Variants in ZC3H6 observed in about 807,000 individuals in gnomAD.
ZC3H6 encodes zinc finger CCCH domain-containing protein 6.
In ZC3H6, 40 loss-of-function variants were observed where a neutral mutation model predicts 107.7. The ratio of observed to expected loss-of-function variants is 0.37; its 90% CI spans 0.29 to 0.48. The LOEUF (loss-of-function observed/expected upper bound fraction) is 0.48, where lower values mean the gene tolerates loss of function less well. Among genes scored for constraint, ZC3H6 ranks in the 20% least tolerant of loss-of-function variants. The pLI, the probability that ZC3H6 is intolerant of heterozygous loss-of-function variation, is 0.98. For missense variants in ZC3H6, 1,267 were observed against 1,410.4 expected (o/e 0.90, Z 1.63); for synonymous variants, 493 against 487.9 (o/e 1.01, Z -0.14).
intron 1 of ZC3H6, among the ~76,000 whole-genome samples, chr2:112,281,281 A>G (rs1339844596): frequency 1.3e-5 from 2 of 152,168 alleles, no homozygotes; most frequent in Admixed American, 6.5e-5. Context: ...GCATCCATAT[A>G]AAGGGAGTGG....
At chr2:112,288,052 C>CAT (rs1686643333) in intron 1 of ZC3H6, among the ~76,000 whole-genome samples, 1 of 152,348 alleles carries the variant, frequency 6.6e-6, no homozygotes, top group Non-Finnish European at 1.5e-5. Flanking sequence ...CACTAGATGT[C>CAT]ATACTCCATT....
chr2:112,325,152 G>T lies in ZC3H6; in HGVS notation c.2041G>T (p.Glu681Ter). The change falls in exon 11 of 12, where the codon GAA (glutamate) becomes TAA (stop). Residue 681 changes from glutamate to a stop codon, truncating the protein, a stop_gained. Coordinates refer to ENST00000409871, the MANE Select transcript of ZC3H6 (RefSeq NM_198581.3). LOFTEE classifies it high-confidence loss of function. The stretch of plus-strand genomic sequence containing the variant: ...TACTCAGAGATACCAAGAAGATGAA[G>T]AACAAACCAGCACCCAACCTCATAG... ...RLTQRYQEDE[E>*]QTSTQPHRAP... The T allele has an allele frequency of 6.2e-7, 1 of 1,613,994 alleles. No homozygotes were observed. Among genetic ancestry groups the T allele is most frequent in the Non-Finnish European group, 8.5e-7 (1 of 1,179,886 alleles).
intron 1 of ZC3H6, among the ~76,000 whole-genome samples, chr2:112,284,476 G>A (rs1686574319): frequency 6.6e-6 from 1 of 151,302 alleles, no homozygotes; most frequent in Non-Finnish European, 1.5e-5. Flanking sequence ...TGTTATCCCT[G>A]AAGTTATTAT....
At chr2:112,298,160 A>ATTTT (rs10691661) in intron 1 of ZC3H6, among the ~76,000 whole-genome samples, 3 of 151,566 alleles carry the variant, frequency 2.0e-5, no homozygotes, top group Admixed American at 1.3e-4. Context: ...TTTTTAAAAA[A>ATTTT]TTTATTTTTT....
At chr2:112,306,300 G>C (rs978248586) in intron 3 of ZC3H6, among the ~76,000 whole-genome samples, 3 of 151,308 alleles carry the variant, frequency 2.0e-5, no homozygotes, top group African/African-American at 7.3e-5. Flanking sequence ...AGCCTCCCAA[G>C]TAGCTGGGAC....
intron 3 of ZC3H6, among the ~76,000 whole-genome samples, chr2:112,308,543 G>A (rs986829653): frequency 6.7e-6 from 1 of 150,198 alleles, no homozygotes; most frequent in African/African-American, 2.4e-5. Flanking sequence ...CAGTTCTCCT[G>A]CCTCAGACTC....
rs1676872470 is a variant in ZC3H6, at chr2:112,324,608, T to A, written c.1797T>A (p.Asp599Glu). The stretch of plus-strand genomic sequence containing the variant: ...TGCAAAACCCAGCTGAGTTTTACGA[T>A]AATTACTATGCACAGCATTCTATAC... Reference protein sequence around the residue: ...ESLQNPAEFYDNYYAQHSIHN... With the variant: ...ESLQNPAEFYENYYAQHSIHN... Residue 599 changes from aspartate (D) to glutamate (E), a missense_variant, in exon 10 of 12, where the codon GAT becomes GAA. Transcript: ENST00000409871. 6.2e-7 allele frequency: 1 copy of A among 1,611,426 alleles called. No individual in the cohort carries two copies.
In ZC3H6 at chr2:112,331,002, T is replaced by C. The variant is rs1677017232; in HGVS notation, c.2087-3T>C. ...TTTATAATAAGTTTTTGTCTGCATT[T>C]AGATGATACAGTTAACTGGTATTCC... On this transcript the variant is annotated splice_polypyrimidine_tract_variant and splice_region_variant and intron_variant, in intron 11 of 11. Coordinates refer to ENST00000409871, the MANE Select transcript of ZC3H6 (RefSeq NM_198581.3). The C allele has an allele frequency of 1.4e-6, 2 of 1,454,512 alleles. No individual in the cohort carries two copies. Among genetic ancestry groups the C allele is most frequent in the Non-Finnish European group, 1.8e-6 (2 of 1,106,972 alleles). 90.1% of individuals were successfully genotyped at this position (1,454,512 alleles called of 1,614,324 possible).
rs1041699338 is a variant in ZC3H6 at position 112,334,443 on chromosome 2, A to G, written c.*1955A>G. ...ATAATTTGGCTTGCTAAACATCAAAATAGAATCCAAACTCTTAACCGAATA... is the reference window on the plus strand; with the variant it reads ...ATAATTTGGCTTGCTAAACATCAAAGTAGAATCCAAACTCTTAACCGAATA... On this transcript the variant is annotated 3_prime_UTR_variant, in exon 12 of 12. Coordinates refer to ENST00000409871, the MANE Select transcript of ZC3H6 (RefSeq NM_198581.3). 3 of 152,134 alleles carry G rather than the reference A, an allele frequency of 2.0e-5. No individual in the cohort carries two copies. Among genetic ancestry groups the G allele is most frequent in the African/African-American group, 7.2e-5 (3 of 41,458 alleles). 9.4% of individuals were successfully genotyped at this position (152,134 alleles called of 1,614,324 possible). A position where few individuals can be genotyped will look rare whatever the true frequency, so the allele number is the denominator to read the frequency against.
At position 112,331,525 on chromosome 2, in the gene ZC3H6, C is replaced by A. The variant is rs1369449711; in HGVS notation, c.2607C>A (p.Thr869=). The part of the protein sequence containing the change: ...FSHIKMDITL[T]KPNFAKHIVW... ...ACATTAAAATGGACATTACTCTAAC[C>A]AAACCCAACTTTGCAAAACACATCG... Residue 869 remains threonine, a synonymous_variant, in exon 12 of 12, where the codon ACC becomes ACA. Transcript: ENST00000409871. The A allele has an allele frequency of 6.2e-7, 1 of 1,613,950 alleles. No homozygotes were observed. Among genetic ancestry groups the A allele is most frequent in the South Asian group, 1.1e-5 (1 of 91,078 alleles).
rs1458794765 is a variant in ZC3H6 at position 112,299,843 on chromosome 2, C to T, written c.33-6C>T. The T allele has an allele frequency of 2.9e-6, 4 of 1,399,898 alleles. No individual in the cohort carries two copies. Among genetic ancestry groups the T allele is most frequent in the African/African-American group, 3.0e-5 (2 of 66,704 alleles). 86.7% of individuals were successfully genotyped at this position (1,399,898 alleles called of 1,614,324 possible). A position where few individuals can be genotyped will look rare whatever the true frequency, so the allele number is the denominator to read the frequency against. On this transcript the variant is annotated splice_region_variant and splice_polypyrimidine_tract_variant and intron_variant, in intron 1 of 11. Coordinates refer to ENST00000409871, the MANE Select transcript of ZC3H6 (RefSeq NM_198581.3). ...ATATTTGAAAATTAAAATTTTCCTT[C>T]TATAGAGAAGATGGCGAATTAGAAG...
Position 112,299,775 on chromosome 2 carries a change from T to G in ZC3H6, c.33-74T>G, listed in dbSNP as rs957213534. 4.2e-6 allele frequency: 5 copies of G among 1,201,426 alleles called. No homozygotes were observed. In the African/African-American group the frequency reaches 7.9e-5, roughly 19 times the overall value. 74.4% of individuals were successfully genotyped at this position (1,201,426 alleles called of 1,614,324 possible). On this transcript the variant is annotated intron_variant, in intron 1 of 11. Transcript: ENST00000409871. The stretch of plus-strand genomic sequence containing the variant: ...ATAACATAAATCCTTGGCATATGCT[T>G]TTTTTCTTTTGAAAATCTTTCTGTA...
Position 112,336,420 on chromosome 2 carries a change from T to A in ZC3H6, c.*3932T>A, listed in dbSNP as rs1260436300. On this transcript the variant is annotated 3_prime_UTR_variant, in exon 12 of 12. Coordinates refer to ENST00000409871, the MANE Select transcript of ZC3H6 (RefSeq NM_198581.3). ...CTTTTCAAAAATGGTTTGGCAGCACTTGATGACATTATGTTCAAAATTAAG... is the reference window on the plus strand; with the variant it reads ...CTTTTCAAAAATGGTTTGGCAGCACATGATGACATTATGTTCAAAATTAAG... 11 of 152,226 alleles carry A rather than the reference T, an allele frequency of 7.2e-5. No homozygotes were observed. The highest frequency in any genetic ancestry group is 1.6e-4 in the Non-Finnish European group (11 of 68,036). 9.4% of individuals were successfully genotyped at this position (152,226 alleles called of 1,614,324 possible). A position where few individuals can be genotyped will look rare whatever the true frequency, so the allele number is the denominator to read the frequency against.
At chr2:112,279,760 C>T (rs1323967629) in intron 1 of ZC3H6, among the ~76,000 whole-genome samples, 1 of 152,110 alleles carries the variant, frequency 6.6e-6, no homozygotes. Context: ...ACATTAATCC[C>T]ATGTGGTAGT....
At position 112,331,974 on chromosome 2, in the gene ZC3H6, G is replaced by T; in HGVS notation, c.3056G>T (p.Gly1019Val). The T allele has an allele frequency of 6.2e-7, 1 of 1,613,986 alleles. No individual in the cohort carries two copies. Among genetic ancestry groups the T allele is most frequent in the South Asian group, 1.1e-5 (1 of 91,080 alleles). Residue 1019 changes from glycine (G) to valine (V), a missense_variant, in exon 12 of 12, where the codon GGG becomes GTG. Gly to Val is a moderately radical substitution (Grantham distance 109). Coordinates refer to ENST00000409871, the MANE Select transcript of ZC3H6 (RefSeq NM_198581.3). The stretch of plus-strand genomic sequence containing the variant: ...GCAGGAACTAGCAATTCTGGTTCCG[G>T]GGCTCTGCCTCCATATGCCCCTAAA... Reference protein sequence around the residue: ...SGAGTSNSGSGALPPYAPKLS... With the variant: ...SGAGTSNSGSVALPPYAPKLS...
At position 112,338,932 on chromosome 2, in the gene ZC3H6, G is replaced by A. The variant is rs1209270397; in HGVS notation, c.*6444G>A. 1 of 132,018 alleles carries A rather than the reference G, an allele frequency of 7.6e-6. No individual in the cohort carries two copies. The highest frequency in any genetic ancestry group is 1.6e-5 in the Non-Finnish European group (1 of 61,784). 8.2% of individuals were successfully genotyped at this position (132,018 alleles called of 1,614,324 possible). ...ATATATAATTTTTTTTTTTTGAGAC[G>A]GAGTCTTGCTCTGTCACCCAGGCTG... On this transcript the variant is annotated 3_prime_UTR_variant, in exon 12 of 12. Coordinates refer to ENST00000409871, the MANE Select transcript of ZC3H6 (RefSeq NM_198581.3).
chr2:112,334,097 TA>T lies in ZC3H6; in HGVS notation c.*1611del, dbSNP rs1332329669. The T allele has an allele frequency of 4.6e-5, 7 of 152,220 alleles. No individual in the cohort carries two copies. Among genetic ancestry groups the T allele is most frequent in the Non-Finnish European group, 8.8e-5 (6 of 67,950 alleles). 9.4% of individuals were successfully genotyped at this position (152,220 alleles called of 1,614,324 possible). ...AATGTGAATTTTTACCGTTTGTACT[TA>T]AGATACATTTGTTGTCTAAAATGGC... is the stretch of plus-strand genomic sequence containing the variant. On this transcript the variant is annotated 3_prime_UTR_variant, in exon 12 of 12. Transcript: ENST00000409871.
rs1686409581 is a variant in ZC3H6 at position 112,276,021 on chromosome 2, C to T, written c.27C>T (p.His9=). The stretch of plus-strand genomic sequence containing the variant: ...TGACAGACTCTGAACATGCAGGGCA[C>T]GACAGGTCGGGAACCCTTCTTGTCT... MTDSEHAG[H]DREDGELEDG... The change falls in exon 1 of 12, where the codon CAC becomes CAT. Residue 9 remains histidine (H), a synonymous_variant. Coordinates refer to ENST00000409871, the MANE Select transcript of ZC3H6 (RefSeq NM_198581.3). The T allele has an allele frequency of 8.4e-6, 13 of 1,541,868 alleles. No homozygotes were observed. The highest frequency in any genetic ancestry group is 1.4e-5 in the African/African-American group (1 of 71,296).
chr2:112,324,092 T>G, intron 9 of ZC3H6, 60 bp from the exon 10 acceptor site: 1 of 1,495,894 alleles, frequency 6.7e-7, no homozygotes, highest in East Asian at 2.3e-5. Flanking sequence ...TTAGAAGTGT[T>G]AACATTCTTG....
Sources: gnomAD v4.1 joint callset for allele counts (sites outside exome capture counted in the v4.1 genomes callset) on GRCh38, gnomAD v4.1.1 for gene constraint, MANE v1.5 for transcripts, NCBI Gene and HGNC (gene_info 2026-07-23, HGNC 2026-07-21) for gene names.